Variants in UTRN observed in about 807,000 individuals in gnomAD.
UTRN encodes the protein dystrophin-related protein 1.
Under a neutral mutation model 463.9 loss-of-function variants are expected in UTRN, and 283 were observed. That is an observed-to-expected ratio of 0.61 (90% CI 0.55 to 0.67). The LOEUF (loss-of-function observed/expected upper bound fraction) is 0.67. UTRN is among the 30% of genes least tolerant of loss of function. The probability of loss-of-function intolerance (pLI) is 0.00; values close to 1 mark genes in which losing one functional copy is unlikely to be tolerated. For missense variants in UTRN, 3,922 were observed against 4,084.3 expected, an observed-to-expected ratio of 0.96 and a Z score of 1.08; for synonymous variants, 1,442 against 1,431.5, an observed-to-expected ratio of 1.01 and a Z score of -0.17.
At chr6:144,390,098 A>T (rs1007413263) in intron 2 of UTRN, among the ~76,000 whole-genome samples, 2 of 152,224 alleles carry the variant, frequency 1.3e-5, no homozygotes, top group African/African-American at 4.8e-5. Flanking sequence ...AAGTCTTCTC[A>T]TCACAAATAA....
chr6:144,294,284 C>T (rs970345216), intron 2 of UTRN, among the ~76,000 whole-genome samples: 5 of 152,024 alleles, frequency 3.3e-5, no homozygotes, highest in African/African-American at 1.2e-4. Context: ...GTTGCAAAAG[C>T]CAGTAGATAA....
intron 34 of UTRN, among the ~76,000 whole-genome samples, chr6:144,506,232 T>C (rs1160744672): frequency 6.6e-6 from 1 of 152,192 alleles, no homozygotes; most frequent in African/African-American, 2.4e-5. Flanking sequence ...AGTCTGTGTC[T>C]TTTAATTGGA....
At chr6:144,583,435 T>C (rs777351871) in intron 51 of UTRN, 41 of 655,580 alleles carry the variant, frequency 6.3e-5, no homozygotes, top group Non-Finnish European at 9.4e-5. Flanking sequence ...CGGGAGGAAA[T>C]GATCGTTGCT....
rs140939040 is a variant in UTRN, at chr6:144,623,476, G to T, written c.7479+46188G>T. On this transcript the variant is annotated intron_variant, in intron 51 of 74. Transcript: ENST00000367545. ...CTAAGTACTTGTTACTCTTAACTAC[G>T]CTGTTTCATTCATACATTGAAATAG... Among the ~76,000 whole-genome samples, 457 of 152,124 alleles carry T rather than the reference G, an allele frequency of 3.0e-3. 2 individuals carry two copies. The highest frequency in any genetic ancestry group is 0.01 in the African/African-American group (434 of 41,518).
chr6:144,372,399 A>G (rs1479513952), intron 2 of UTRN, among the ~76,000 whole-genome samples: 1 of 152,276 alleles, frequency 6.6e-6, no homozygotes, highest in African/African-American at 2.4e-5. Flanking sequence ...AGAAAATGCA[A>G]GTGAAAGACA....
rs1321929472 is a variant in UTRN, at chr6:144,852,097, A to T, written c.*1100A>T. The T allele has an allele frequency of 2.6e-5, 4 of 152,316 alleles. No homozygotes were observed. Among genetic ancestry groups the T allele is most frequent in the East Asian group, 3.9e-4 (2 of 5,194 alleles). 9.4% of individuals were successfully genotyped at this position (152,316 alleles called of 1,614,324 possible). A position where few individuals can be genotyped will look rare whatever the true frequency, so the allele number is the denominator to read the frequency against. ...GTTTTCTTGTTGAAAGCAGACACAC[A>T]TTTAGTGCACGGCTTATTTTACCTT... On this transcript the variant is annotated 3_prime_UTR_variant, in exon 75 of 75. Transcript: ENST00000367545.
At chr6:144,809,560 C>T (rs1778432495) in intron 65 of UTRN, among the ~76,000 whole-genome samples, 1 of 151,998 alleles carries the variant, frequency 6.6e-6, no homozygotes, top group South Asian at 2.1e-4. Context: ...TCAGAAGATT[C>T]CAGTCAGTGA....
At chr6:144,474,540 A>C (rs1790991769) in intron 24 of UTRN, 64 bp from the exon 25 acceptor site, 1 of 1,490,276 alleles carries the variant, frequency 6.7e-7, no homozygotes, top group Admixed American at 2.1e-5. Context: ...ATAAGCAGAC[A>C]AACTATAATT....
chr6:144,480,358 A>G (rs1408178135), intron 26 of UTRN, among the ~76,000 whole-genome samples: 2 of 152,218 alleles, frequency 1.3e-5, no homozygotes, highest in Non-Finnish European at 2.9e-5. Flanking sequence ...TAAGTGCACA[A>G]TCCAGTGGCA....
rs141436076 is a variant in UTRN at position 144,850,104 on chromosome 6, A to G, written c.10294-885A>G. 5.0e-3 allele frequency among the ~76,000 whole-genome samples: 763 copies of G among 152,308 alleles called. 8 individuals are homozygous for G. Among genetic ancestry groups the G allele is most frequent in the Non-Finnish European group, 6.5e-3 (441 of 68,014 alleles). On this transcript the variant is annotated intron_variant, in intron 74 of 74. Transcript: ENST00000367545. The stretch of plus-strand genomic sequence containing the variant: ...TTTGCTCCCTCTAACATGGCAATCA[A>G]ATGTTCAAAATGGAGAAGCAAGTGT...
intron 9 of UTRN, 72 bp downstream of exon 9, chr6:144,429,813 T>G (rs1785635744): frequency 1.3e-6 from 2 of 1,498,314 alleles, no homozygotes; most frequent in African/African-American, 1.4e-5. Flanking sequence ...ATAAAAACAC[T>G]TTTAGAGGGT....
chr6:144,766,184 G>A (rs1027208871), intron 58 of UTRN, among the ~76,000 whole-genome samples: 3 of 151,934 alleles, frequency 2.0e-5, no homozygotes, highest in Admixed American at 2.0e-4. Flanking sequence ...GTTACTGATG[G>A]GGGTACTCCA....
chr6:144,630,539 T>C (rs1776399428), intron 51 of UTRN, among the ~76,000 whole-genome samples: 1 of 152,170 alleles, frequency 6.6e-6, no homozygotes, highest in East Asian at 1.9e-4. Flanking sequence ...ACTTATTCAC[T>C]ATTATGAGAG....
At chr6:144,600,058 C>T (rs571052853) in intron 51 of UTRN, among the ~76,000 whole-genome samples, 6 of 152,310 alleles carry the variant, frequency 3.9e-5, no homozygotes, top group African/African-American at 1.4e-4. Context: ...CCTCAAGCCA[C>T]ACCCATATAA....
chr6:144,796,185 C>T (rs1260815852), intron 63 of UTRN, among the ~76,000 whole-genome samples: 6 of 152,064 alleles, frequency 3.9e-5, no homozygotes, highest in African/African-American at 1.2e-4. Flanking sequence ...TTACCCATTG[C>T]GTGTTTTTGT....
At chr6:144,465,223 G>A (rs1438697065) in intron 23 of UTRN, among the ~76,000 whole-genome samples, 1 of 152,164 alleles carries the variant, frequency 6.6e-6, no homozygotes, top group African/African-American at 2.4e-5. Flanking sequence ...CTCAGAGTTA[G>A]TCTTCTTTTG....
At chr6:144,319,816 G>A (rs1164563463) in intron 2 of UTRN, among the ~76,000 whole-genome samples, 1 of 151,552 alleles carries the variant, frequency 6.6e-6, no homozygotes, top group Non-Finnish European at 1.5e-5. Context: ...CCAAAGTGCT[G>A]GGATTATAGG....
intron 48 of UTRN, 90 bp from the exon 49 acceptor site, chr6:144,554,598 T>C (rs1205962097): frequency 7.2e-7 from 1 of 1,389,476 alleles, no homozygotes; most frequent in African/African-American, 1.5e-5. Context: ...TTTATAGACT[T>C]ATTTGTGATA....
intron 53 of UTRN, among the ~76,000 whole-genome samples, chr6:144,719,013 G>A (rs141975766): frequency 1.3e-5 from 2 of 152,312 alleles, no homozygotes; most frequent in Non-Finnish European, 2.9e-5. Flanking sequence ...CAACACAGAT[G>A]TTGTCTTGAG....
Sources: gnomAD v4.1 joint callset for allele counts (sites outside exome capture counted in the v4.1 genomes callset) on GRCh38, gnomAD v4.1.1 for gene constraint, MANE v1.5 for transcripts, NCBI Gene and HGNC (gene_info 2026-07-23, HGNC 2026-07-21) for gene names.